RAPGEF2: variants seen among roughly 807,000 people sequenced by gnomAD.
RAPGEF2 encodes PDZ domain containing guanine nucleotide exchange factor (GEF) 1.
In RAPGEF2, 54 loss-of-function variants were observed where a neutral mutation model predicts 186.7. That is an observed-to-expected ratio of 0.29 (90% CI 0.23 to 0.36). The LOEUF (loss-of-function observed/expected upper bound fraction) is 0.36. Among genes scored for constraint, RAPGEF2 ranks in the 10% least tolerant of loss-of-function variants. The probability of loss-of-function intolerance (pLI) is 1.00; values close to 1 mark genes in which losing one functional copy is unlikely to be tolerated. For missense variants in RAPGEF2, 1,532 were observed against 2,045.0 expected, an observed-to-expected ratio of 0.75 and a Z score of 4.84; for synonymous variants, 712 against 705.9, an observed-to-expected ratio of 1.01 and a Z score of -0.14.
chr4:159,337,889 C>CAAAAAAAAAA (rs553291521), intron 17 of RAPGEF2, among the ~76,000 whole-genome samples: 864 of 32,534 alleles, frequency 0.027, 131 homozygotes, highest in Non-Finnish European at 0.053. Flanking sequence ...GACTCCATCT[C>CAAAAAAAAAA]AAAAAAAAAA....
chr4:159,295,534 C>T (rs965621119), intron 7 of RAPGEF2, among the ~76,000 whole-genome samples: 4 of 152,104 alleles, frequency 2.6e-5, no homozygotes, highest in Non-Finnish European at 5.9e-5. Flanking sequence ...CAACTACCTC[C>T]GTGTTTCTAT....
chr4:159,268,076 T>G, intron 7 of RAPGEF2: 1 of 1,543,502 alleles, frequency 6.5e-7, no homozygotes, highest in Non-Finnish European at 8.7e-7. Context: ...TCTTTTAATT[T>G]AATGCTGTAG....
chr4:159,212,854 C>A (rs903055069), intron 4 of RAPGEF2, among the ~76,000 whole-genome samples: 18 of 152,274 alleles, frequency 1.2e-4, no homozygotes, highest in African/African-American at 4.3e-4. Context: ...TCCTTGACTA[C>A]CAGCCATTAT....
At chr4:159,349,876 A>T (rs1730920016) in intron 25 of RAPGEF2, among the ~76,000 whole-genome samples, 1 of 152,204 alleles carries the variant, frequency 6.6e-6, no homozygotes. Flanking sequence ...AAAGTTTAGA[A>T]TCTAACGTAA....
intron 7 of RAPGEF2, chr4:159,268,171 A>G: frequency 1.2e-6 from 2 of 1,613,110 alleles, no homozygotes; most frequent in South Asian, 2.2e-5. Flanking sequence ...ACCACTAGCA[A>G]TCCCAGCTAA....
chr4:159,346,693 C>T, intron 24 of RAPGEF2, 96 bp from the exon 25 acceptor site: 1 of 1,025,650 alleles, frequency 9.7e-7, no homozygotes, highest in Non-Finnish European at 1.5e-6. Flanking sequence ...AGTATTCTAA[C>T]TGCAGAAAAT....
At chr4:159,211,316 T>C (rs185463075) in intron 4 of RAPGEF2, among the ~76,000 whole-genome samples, 2 of 150,948 alleles carry the variant, frequency 1.3e-5, no homozygotes, top group Admixed American at 1.3e-4. Context: ...TAGATTCAGG[T>C]TCCCCAAGGG....
intron 1 of RAPGEF2, among the ~76,000 whole-genome samples, chr4:159,175,667 C>T (rs183457184): frequency 2.6e-5 from 4 of 152,260 alleles, no homozygotes; most frequent in East Asian, 3.9e-4. Context: ...CTTGCGAGAC[C>T]GGCGACTGCT....
At chr4:159,177,901 G>C (rs1746606453) in intron 1 of RAPGEF2, among the ~76,000 whole-genome samples, 1 of 152,224 alleles carries the variant, frequency 6.6e-6, no homozygotes, top group South Asian at 2.1e-4. Context: ...CTCTCTGATG[G>C]ATCAACAAGG....
At chr4:159,311,212 C>A (rs1763916387) in intron 8 of RAPGEF2, among the ~76,000 whole-genome samples, 1 of 152,110 alleles carries the variant, frequency 6.6e-6, no homozygotes, top group Non-Finnish European at 1.5e-5. Flanking sequence ...AAAACATCAA[C>A]TTTAGTGCTA....
chr4:159,231,187 T>C (rs1423522522), intron 4 of RAPGEF2, among the ~76,000 whole-genome samples: 1 of 152,122 alleles, frequency 6.6e-6, no homozygotes, highest in Non-Finnish European at 1.5e-5. Flanking sequence ...TATGGGTTTG[T>C]AGCCTAGGAG....
chr4:159,104,323 C>A, intron 1 of RAPGEF2, 92 bp downstream of exon 1: 1 of 531,994 alleles, frequency 1.9e-6, no homozygotes, highest in South Asian at 2.1e-5. Flanking sequence ...TGACACAGTT[C>A]GCCCCGAGCA....
At chr4:159,288,378 T>A (rs1404537610) in intron 7 of RAPGEF2, among the ~76,000 whole-genome samples, 1 of 152,202 alleles carries the variant, frequency 6.6e-6, no homozygotes, top group Non-Finnish European at 1.5e-5. Context: ...AAATTTTTAC[T>A]TTTTTAAAAA....
intron 3 of RAPGEF2, among the ~76,000 whole-genome samples, chr4:159,203,918 T>C (rs1749703629): frequency 6.6e-6 from 1 of 152,254 alleles, no homozygotes; most frequent in Non-Finnish European, 1.5e-5. Context: ...AATTTGACTT[T>C]ACCACGATCA....
At chr4:159,189,160 T>G (rs570677986) in intron 2 of RAPGEF2, among the ~76,000 whole-genome samples, 5 of 152,340 alleles carry the variant, frequency 3.3e-5, no homozygotes, top group African/African-American at 1.2e-4. Context: ...TGACACAGTT[T>G]TACAATTTTA....
At chr4:159,106,071 C>T (rs1349804459) in intron 1 of RAPGEF2, among the ~76,000 whole-genome samples, 3 of 152,184 alleles carry the variant, frequency 2.0e-5, no homozygotes, top group Non-Finnish European at 2.9e-5. Flanking sequence ...TTTCCTGTTC[C>T]CCTGCCAGTT....
intron 2 of RAPGEF2, among the ~76,000 whole-genome samples, chr4:159,187,459 A>C (rs777357661): frequency 6.6e-6 from 1 of 152,348 alleles, no homozygotes; most frequent in Middle Eastern, 3.4e-3. Context: ...GCATTCAGAT[A>C]TATTAGAAAC....
At chr4:159,153,915 A>T (rs1255568689) in intron 1 of RAPGEF2, among the ~76,000 whole-genome samples, 1 of 152,198 alleles carries the variant, frequency 6.6e-6, no homozygotes, top group South Asian at 2.1e-4. Context: ...TATACAGTCG[A>T]TGTTCAATTA....
chr4:159,341,810 G>A lies in RAPGEF2; in HGVS notation c.2781G>A (p.Gln927=). 6.2e-7 allele frequency: 1 copy of A among 1,613,922 alleles called. No individual in the cohort carries two copies. ...AGAGATTTGAAGAAGTCATTAACCAGGAAACATTTTGGGTAGCATCTGAAA... is the reference window on the plus strand; with the variant it reads ...AGAGATTTGAAGAAGTCATTAACCAAGAAACATTTTGGGTAGCATCTGAAA... ...NLKRFEEVIN[Q]ETFWVASEIL... is the part of the protein sequence containing the mutation. Residue 927 remains glutamine (Q), a synonymous_variant, in exon 20 of 30, where the codon CAG becomes CAA. Transcript: ENST00000691494.
Sources: allele counts gnomAD v4.1 joint callset (sites outside exome capture counted in the v4.1 genomes callset), GRCh38; gene constraint gnomAD v4.1.1; transcripts MANE v1.5; gene names NCBI Gene and HGNC (gene_info 2026-07-23, HGNC 2026-07-21).